The following DTWD2 variants were observed in gnomAD, a reference collection of about 807,000 sequenced individuals.
DTWD2 encodes tRNA-uridine aminocarboxypropyltransferase 2.
Under a neutral mutation model 31.8 loss-of-function variants are expected in DTWD2, and 39 were observed. The observed-to-expected ratio is 1.22, with a 90% CI of 0.95 to 1.60. The LOEUF (loss-of-function observed/expected upper bound fraction) is 1.60. Ranked by LOEUF, DTWD2 falls within the 40% of genes most tolerant of loss-of-function variation. The pLI is 0.00. For missense variants in DTWD2, 515 were observed against 381.5 expected (o/e 1.35, Z -2.92); for synonymous variants, 180 against 142.8 (o/e 1.26, Z -1.86).
chr5:118,915,154 T>G (rs894354930), intron 4 of DTWD2, among the ~76,000 whole-genome samples: 5 of 151,820 alleles, frequency 3.3e-5, no homozygotes, highest in African/African-American at 1.2e-4. Flanking sequence ...GAGGCAGGGG[T>G]TGCAGTGACC....
At chr5:118,934,323 G>A (rs1020548610) in intron 3 of DTWD2, among the ~76,000 whole-genome samples, 11 of 119,870 alleles carry the variant, frequency 9.2e-5, no homozygotes, top group Admixed American at 4.8e-4. Flanking sequence ...CTAAATAACT[G>A]CTTTAGATTT....
chr5:118,920,633 C>A (rs1441538810), intron 4 of DTWD2, among the ~76,000 whole-genome samples: 1 of 151,924 alleles, frequency 6.6e-6, no homozygotes, highest in African/African-American at 2.4e-5. Flanking sequence ...TCAATGAAAT[C>A]ACAATTTCAA....
intron 4 of DTWD2, among the ~76,000 whole-genome samples, chr5:118,925,623 A>C (rs1256010266): frequency 6.6e-6 from 1 of 152,102 alleles, no homozygotes; most frequent in Non-Finnish European, 1.5e-5. Flanking sequence ...AGGCGGGTGG[A>C]TCACAAGGTC....
intron 1 of DTWD2, among the ~76,000 whole-genome samples, chr5:118,963,887 C>T (rs1754764220): frequency 1.3e-5 from 2 of 152,064 alleles, no homozygotes; most frequent in Admixed American, 6.6e-5. Flanking sequence ...TTTTAATACC[C>T]CCAGTACCTA....
At chr5:118,916,961 T>C (rs181961900) in intron 4 of DTWD2, among the ~76,000 whole-genome samples, 5 of 152,278 alleles carry the variant, frequency 3.3e-5, no homozygotes, top group Admixed American at 2.6e-4. Flanking sequence ...ATTATACTCA[T>C]CAATAAAACT....
chr5:118,868,127 A>T (rs1752419898), intron 4 of DTWD2, among the ~76,000 whole-genome samples: 1 of 152,150 alleles, frequency 6.6e-6, no homozygotes, highest in African/African-American at 2.4e-5. Context: ...TGGTAAAATG[A>T]TTTTCAATAC....
At chr5:118,900,762 A>G (rs1476243761) in intron 4 of DTWD2, among the ~76,000 whole-genome samples, 1 of 151,992 alleles carries the variant, frequency 6.6e-6, no homozygotes, top group African/African-American at 2.4e-5. Context: ...CCGTCCTACT[A>G]AAAACACAAA....
Position 118,838,623 on chromosome 5 carries a change from G to T in DTWD2, c.*2294C>A, listed in dbSNP as rs1376134985. On this transcript the variant is annotated 3_prime_UTR_variant, in exon 6 of 6. Transcript: ENST00000510708. ...ACAGATGATTAAATGGACTCACCTT[G>T]TTAAGAGGTCAGGAAAAAATAAGTA... 2 of 152,030 alleles carry T rather than the reference G, an allele frequency of 1.3e-5. No homozygotes were observed. Among genetic ancestry groups the T allele is most frequent in the African/African-American group, 4.8e-5 (2 of 41,402 alleles). The allele number at this position is 152,030 out of a possible 1,614,324, so 9.4% of individuals were successfully genotyped here.
At chr5:118,982,194 C>A (rs1561481920) in intron 1 of DTWD2, among the ~76,000 whole-genome samples, 1 of 152,158 alleles carries the variant, frequency 6.6e-6, no homozygotes, top group Non-Finnish European at 1.5e-5. Context: ...ACTACATAAG[C>A]ACTAATAGAA....
chr5:118,954,270 A>C (rs1057009967), intron 1 of DTWD2, among the ~76,000 whole-genome samples: 2 of 152,090 alleles, frequency 1.3e-5, no homozygotes, highest in Non-Finnish European at 2.9e-5. Flanking sequence ...GAAAAACCCT[A>C]GCAATGAATC....
chr5:118,974,069 G>A (rs529981430), intron 1 of DTWD2: 43 of 1,604,660 alleles, frequency 2.7e-5, no homozygotes, highest in Middle Eastern at 2.3e-4. Context: ...GGCAGCTGAA[G>A]ATGATGAGGA....
intron 4 of DTWD2, among the ~76,000 whole-genome samples, chr5:118,849,588 G>T (rs1225151131): frequency 6.6e-6 from 1 of 152,144 alleles, no homozygotes; most frequent in African/African-American, 2.4e-5. Context: ...TATGTTTATT[G>T]CAGCATTATT....
chr5:118,867,927 C>A (rs1334915144), intron 4 of DTWD2, among the ~76,000 whole-genome samples: 6 of 152,080 alleles, frequency 3.9e-5, no homozygotes, highest in African/African-American at 7.2e-5. Context: ...CAAAACAACC[C>A]TAAAATTCAT....
At chr5:118,844,342 G>C (rs554950717) in intron 5 of DTWD2, among the ~76,000 whole-genome samples, 5 of 152,252 alleles carry the variant, frequency 3.3e-5, no homozygotes, top group Admixed American at 2.6e-4. Flanking sequence ...AGTAGAAAAG[G>C]TTCTGTAATA....
intron 3 of DTWD2, among the ~76,000 whole-genome samples, chr5:118,930,148 T>C (rs369365967): frequency 5.3e-5 from 8 of 152,186 alleles, no homozygotes; most frequent in South Asian, 4.1e-4. Flanking sequence ...AATTTGTCTT[T>C]TGTCAGATGA....
intron 3 of DTWD2, among the ~76,000 whole-genome samples, chr5:118,937,742 A>AAGAC (rs1754076622): frequency 6.6e-6 from 1 of 152,170 alleles, no homozygotes; most frequent in African/African-American, 2.4e-5. Flanking sequence ...ATAATCCCAC[A>AAGAC]GGTCTCCCCT....
At chr5:118,898,344 T>C (rs1265988259) in intron 4 of DTWD2, among the ~76,000 whole-genome samples, 1 of 152,100 alleles carries the variant, frequency 6.6e-6, no homozygotes, top group Admixed American at 6.6e-5. Flanking sequence ...AATGAATCCC[T>C]GATCAGCAAA....
At chr5:118,935,602 G>A (rs1754025463) in intron 3 of DTWD2, among the ~76,000 whole-genome samples, 1 of 152,106 alleles carries the variant, frequency 6.6e-6, no homozygotes, top group Non-Finnish European at 1.5e-5. Flanking sequence ...TGAAGTTTGT[G>A]GTGTTGACAC....
chr5:118,892,649 T>A (rs73239009), intron 4 of DTWD2, among the ~76,000 whole-genome samples: 1,625 of 152,246 alleles, frequency 0.011, 31 homozygotes, highest in African/African-American at 0.037. Flanking sequence ...TTCAAAATCT[T>A]AACAACAAAT....
Sources: allele counts gnomAD v4.1 joint callset (sites outside exome capture counted in the v4.1 genomes callset), GRCh38; gene constraint gnomAD v4.1.1; transcripts MANE v1.5; gene names NCBI Gene and HGNC (gene_info 2026-07-23, HGNC 2026-07-21).